DNAJC2: variants seen among roughly 807,000 people sequenced by gnomAD.
DNAJC2 encodes the protein DnaJ heat shock protein family (Hsp40) member C2.
Under a neutral mutation model 94.0 loss-of-function variants are expected in DNAJC2, and 32 were observed. The ratio of observed to expected loss-of-function variants is 0.34; its 90% confidence interval spans 0.26 to 0.46. The LOEUF (loss-of-function observed/expected upper bound fraction) is 0.46. DNAJC2 is among the 20% of genes least tolerant of loss of function. The probability of loss-of-function intolerance (pLI) is 1.00; values close to 1 mark genes in which losing one functional copy is unlikely to be tolerated. For missense variants in DNAJC2, 550 were observed against 719.5 expected (o/e 0.76, Z 2.69); for synonymous variants, 210 against 229.7 (o/e 0.91, Z 0.77).
intron 13 of DNAJC2, chr7:103,316,468 TAAACTC>T: frequency 4.5e-6 from 1 of 221,930 alleles, no homozygotes; most frequent in East Asian, 1.0e-4. Flanking sequence ...TTCTTGCAGT[TAAACTC>T]AAGCTCCAGC....
rs938562978 is a variant in DNAJC2 at position 103,318,223 on chromosome 7, C to T, written c.1243-1209G>A. On this transcript the variant is annotated intron_variant, in intron 12 of 16. Coordinates refer to ENST00000379263, the MANE Select transcript of DNAJC2 (RefSeq NM_014377.3). Reference sequence around the variant, plus strand: ...CTCTGTTGCCCAGGTTGGAGTGCACCGACATGATCATAGCTCACTGCAGCT... The same window carrying T: ...CTCTGTTGCCCAGGTTGGAGTGCACTGACATGATCATAGCTCACTGCAGCT... Among the ~76,000 whole-genome samples, 66 of 151,800 alleles carry T rather than the reference C, an allele frequency of 4.3e-4. 1 individual carries two copies. The highest frequency in any genetic ancestry group is 1.4e-3 in the African/African-American group (59 of 41,312).
intron 3 of DNAJC2, among the ~76,000 whole-genome samples, chr7:103,334,252 G>C (rs898844892): frequency 4.0e-5 from 6 of 150,944 alleles, no homozygotes; most frequent in Admixed American, 1.3e-4. Flanking sequence ...TGCCCGGCCT[G>C]TTGTGAACGT....
intron 4 of DNAJC2, 149 bp downstream of exon 4, chr7:103,327,507 G>A (rs1179035850): frequency 2.9e-6 from 2 of 685,638 alleles, no homozygotes; most frequent in Non-Finnish European, 4.8e-6. Context: ...GCTCTGGGGT[G>A]ATGATTAGAA....
At chr7:103,318,060 G>C (rs1021708313) in intron 12 of DNAJC2, among the ~76,000 whole-genome samples, 3 of 152,184 alleles carry the variant, frequency 2.0e-5, no homozygotes, top group African/African-American at 7.2e-5. Context: ...GTTAATCAAA[G>C]ATTTGCAGTA....
Position 103,312,396 on chromosome 7 carries a change from A to G in DNAJC2, c.*173T>C. ...ATACTGTATCATACTTTCAAAGGAT[A>G]AAAAGACTACCCCTCTGAAGGTTGT... On this transcript the variant is annotated 3_prime_UTR_variant, in exon 17 of 17. Transcript: ENST00000379263. The G allele has an allele frequency of 2.0e-6, 3 of 1,519,130 alleles. No individual in the cohort carries two copies. The highest frequency in any genetic ancestry group is 2.4e-4 in the Middle Eastern group (1 of 4,234). The allele number at this position is 1,519,130 out of a possible 1,614,324, so 94.1% of individuals were successfully genotyped here. A position where few individuals can be genotyped will look rare whatever the true frequency, so the allele number is the denominator to read the frequency against.
chr7:103,318,303 C>T (rs1043152734), intron 12 of DNAJC2, among the ~76,000 whole-genome samples: 4 of 152,140 alleles, frequency 2.6e-5, no homozygotes, highest in Admixed American at 1.3e-4. Flanking sequence ...GAAGTTGGGA[C>T]TACAGGTACA....
chr7:103,318,738 A>C (rs759794848), intron 12 of DNAJC2, among the ~76,000 whole-genome samples: 2 of 152,208 alleles, frequency 1.3e-5, no homozygotes, highest in Non-Finnish European at 2.9e-5. Context: ...CAGAACAAAG[A>C]TCTCTTTTGG....
chr7:103,336,189 C>A (rs577820176), intron 3 of DNAJC2: 1 of 152,246 alleles, frequency 6.6e-6, no homozygotes, highest in South Asian at 2.1e-4. Flanking sequence ...GTGGATTTAA[C>A]AGAAGCATAT....
intron 12 of DNAJC2, among the ~76,000 whole-genome samples, chr7:103,319,197 G>T (rs575132005): frequency 6.6e-6 from 1 of 152,170 alleles, no homozygotes; most frequent in South Asian, 2.1e-4. Context: ...CCAGCACTTT[G>T]AGAAGCCTAC....
chr7:103,337,445 G>T, intron 3 of DNAJC2: 1 of 276,444 alleles, frequency 3.6e-6, no homozygotes, highest in African/African-American at 2.2e-5. Flanking sequence ...CTAAAGAGAG[G>T]TGAAGTATTA....
At position 103,329,051 on chromosome 7, in the gene DNAJC2, A is replaced by G. The variant is rs138274059; in HGVS notation, c.332-1297T>C. ...CCACAGCCTCAGCCACAGTACGTCTAATTATTTAAAATTTGTGATTATCGC... is the reference window on the plus strand; with the variant it reads ...CCACAGCCTCAGCCACAGTACGTCTGATTATTTAAAATTTGTGATTATCGC... On this transcript the variant is annotated intron_variant, in intron 3 of 16. Coordinates refer to ENST00000379263, the MANE Select transcript of DNAJC2 (RefSeq NM_014377.3). The G allele has an allele frequency of 1.3e-5, 15 of 1,177,380 alleles. No individual in the cohort carries two copies. The African/African-American group carries it at 2.1e-4, about 17-fold the overall frequency. 72.9% of individuals were successfully genotyped at this position (1,177,380 alleles called of 1,614,324 possible). A position where few individuals can be genotyped will look rare whatever the true frequency, so the allele number is the denominator to read the frequency against.
Position 103,322,560 on chromosome 7 carries a change from T to C in DNAJC2, c.884A>G (p.Lys295Arg), listed in dbSNP as rs369313610. 15 of 1,588,536 alleles carry C rather than the reference T, an allele frequency of 9.4e-6. No individual in the cohort carries two copies. In the African/African-American group the frequency reaches 1.1e-4, roughly 11 times the overall value. Residue 295 changes from lysine to arginine, a missense_variant, in exon 9 of 17, where the codon AAG becomes AGG. This residue lies in a region of DNAJC2 where 279 missense variants were observed against 416.9 expected (regional missense o/e 0.67). Transcript: ENST00000379263. ...CCGTTTAGCTTCTGCTTTTGCTTTCTTTTCTGCTTCTTTCTTGGCTTTTTC... is the reference window on the plus strand; with the variant it reads ...CCGTTTAGCTTCTGCTTTTGCTTTCCTTTCTGCTTCTTTCTTGGCTTTTTC... The part of the protein sequence containing the change: ...EEEKAKKEAE[K>R]KAKAEAKRKE...
chr7:103,338,770 C>T (rs1260416555), intron 2 of DNAJC2, among the ~76,000 whole-genome samples: 2 of 151,556 alleles, frequency 1.3e-5, no homozygotes, highest in African/African-American at 4.8e-5. Flanking sequence ...ATTAGCCGGG[C>T]GTGGTGGCGC....
chr7:103,314,606 T>A, intron 15 of DNAJC2: 1 of 985,414 alleles, frequency 1.0e-6, no homozygotes, highest in Non-Finnish European at 1.2e-6. Flanking sequence ...AACTCCTTTA[T>A]AAAGAAGTGT....
At chr7:103,341,482 C>A (rs1819372556) in intron 2 of DNAJC2, among the ~76,000 whole-genome samples, 1 of 152,144 alleles carries the variant, frequency 6.6e-6, no homozygotes, top group Non-Finnish European at 1.5e-5. Context: ...ACTCCTTCTG[C>A]CCAGAATACT....
intron 4 of DNAJC2, 46 bp downstream of exon 4, chr7:103,327,610 A>C: frequency 8.0e-7 from 1 of 1,249,282 alleles, no homozygotes; most frequent in Non-Finnish European, 1.2e-6. Context: ...CAATTAATAA[A>C]TAACAATTAC....
chr7:103,313,412 T>A (rs1817870059), intron 15 of DNAJC2: 1 of 983,752 alleles, frequency 1.0e-6, no homozygotes, highest in African/African-American at 1.7e-5. Context: ...CATATTTAAA[T>A]TTATAGTACT....
intron 5 of DNAJC2, among the ~76,000 whole-genome samples, chr7:103,326,097 G>A (rs1412829267): frequency 3.9e-5 from 6 of 151,900 alleles, no homozygotes; most frequent in East Asian, 1.9e-4. Context: ...TCCCGTCTCC[G>A]CCTCCCGAGG....
intron 5 of DNAJC2, among the ~76,000 whole-genome samples, chr7:103,325,059 T>C (rs1818628643): frequency 6.6e-6 from 1 of 152,208 alleles, no homozygotes; most frequent in African/African-American, 2.4e-5. Context: ...GTGAAAAGGA[T>C]CCTGAAGCAG....
Sources: allele counts gnomAD v4.1 joint callset (sites outside exome capture counted in the v4.1 genomes callset), GRCh38; gene constraint gnomAD v4.1.1; regional missense constraint gnomAD v4.1.1; transcripts MANE v1.5; gene names NCBI Gene and HGNC (gene_info 2026-07-23, HGNC 2026-07-21).